Variants in COL10A1 observed in about 807,000 individuals in gnomAD.
COL10A1 encodes the protein collagen alpha-1(X) chain.
In COL10A1, 10 loss-of-function variants were observed where a neutral mutation model predicts 18.2. The observed-to-expected ratio is 0.55, with a 90% CI of 0.34 to 0.93. COL10A1 has a LOEUF of 0.93. Among genes scored for constraint, COL10A1 ranks in the 40% least tolerant of loss-of-function variants. The pLI, the probability that COL10A1 is intolerant of heterozygous loss-of-function variation, is 0.02. For synonymous variants in COL10A1, 330 were observed against 316.6 expected, an observed-to-expected ratio of 1.04 and a Z score of -0.45; for missense variants, 897 against 853.5, an observed-to-expected ratio of 1.05 and a Z score of -0.64.
At chr6:116,178,831 G>A in the COL10A1 span, among the ~76,000 whole-genome samples, 9 of 152,160 alleles carry the variant, frequency 5.9e-5, no homozygotes, top group Non-Finnish European at 1.3e-4. Flanking sequence ...CCAACTCCCA[G>A]TAAATTTGCA....
the COL10A1 span, among the ~76,000 whole-genome samples, chr6:116,202,523 CTTT>C: frequency 6.6e-6 from 1 of 151,886 alleles, no homozygotes; most frequent in Non-Finnish European, 1.5e-5. Context: ...AGGTTTATTT[CTTT>C]AATTCTAAAA....
At chr6:116,135,835 A>T (rs1367816146) in intron 1 of COL10A1, among the ~76,000 whole-genome samples, 1 of 13,098 alleles carries the variant, frequency 7.6e-5, no homozygotes, top group Non-Finnish European at 1.3e-4. Flanking sequence ...ATATTTTCAG[A>T]TATATATATA....
chr6:116,179,362 G>T, the COL10A1 span, among the ~76,000 whole-genome samples: 1 of 151,862 alleles, frequency 6.6e-6, no homozygotes, highest in African/African-American at 2.4e-5. Flanking sequence ...AGAGAATTGG[G>T]GTTTTAGCAT....
chr6:116,143,072 A>T (rs1230887383), intron 1 of COL10A1, among the ~76,000 whole-genome samples: 1 of 152,154 alleles, frequency 6.6e-6, no homozygotes, highest in Non-Finnish European at 1.5e-5. Context: ...TGGAGACCGG[A>T]TTTTGTTATT....
chr6:116,205,599 T>TGG, the COL10A1 span, among the ~76,000 whole-genome samples: 40 of 151,706 alleles, frequency 2.6e-4, no homozygotes, highest in African/African-American at 9.4e-4. Context: ...TGGAATAAAT[T>TGG]GGGGGGGAAA....
At chr6:116,122,924 CTG>C (rs1469940674) in intron 2 of COL10A1, among the ~76,000 whole-genome samples, 6 of 151,840 alleles carry the variant, frequency 4.0e-5, no homozygotes, top group Non-Finnish European at 7.4e-5. Context: ...AGGAAAAAGA[CTG>C]TGAGAAAAAT....
chr6:116,158,174 A>G (rs895420346), intron 1 of COL10A1, among the ~76,000 whole-genome samples: 3 of 152,138 alleles, frequency 2.0e-5, no homozygotes, highest in Non-Finnish European at 2.9e-5. Context: ...ATCTACATTG[A>G]CAATACTGGT....
upstream of COL10A1, among the ~76,000 whole-genome samples, chr6:116,131,014 T>C (rs1380085793): frequency 6.6e-6 from 1 of 152,206 alleles, no homozygotes; most frequent in East Asian, 1.9e-4. Context: ...ACTGTTAGGT[T>C]TGTTTCATTT....
intron 1 of COL10A1, among the ~76,000 whole-genome samples, chr6:116,133,366 T>C (rs1779514999): frequency 6.6e-6 from 1 of 152,212 alleles, no homozygotes; most frequent in Non-Finnish European, 1.5e-5. Context: ...AAGTGTTAAT[T>C]AGAGAAGTCA....
the COL10A1 span, among the ~76,000 whole-genome samples, chr6:116,210,572 A>G: frequency 6.6e-6 from 1 of 151,946 alleles, no homozygotes; most frequent in Admixed American, 6.6e-5. Context: ...CGGGAATCAT[A>G]TAGGACCTGT....
At chr6:116,169,183 GCTT>G in the COL10A1 span, among the ~76,000 whole-genome samples, 2 of 152,154 alleles carry the variant, frequency 1.3e-5, no homozygotes, top group Non-Finnish European at 2.9e-5. Flanking sequence ...CTTTTCCTCA[GCTT>G]CTCAACTTGA....
upstream of COL10A1, among the ~76,000 whole-genome samples, chr6:116,160,306 A>G (rs574599901): frequency 2.0e-5 from 3 of 152,224 alleles, no homozygotes; most frequent in Non-Finnish European, 4.4e-5. Flanking sequence ...CATAATAGCT[A>G]TTCTGACTGG....
chr6:116,172,962 A>G, the COL10A1 span, among the ~76,000 whole-genome samples: 1 of 152,148 alleles, frequency 6.6e-6, no homozygotes, highest in Non-Finnish European at 1.5e-5. Flanking sequence ...ATAAAATTAT[A>G]TTTATATCTT....
the COL10A1 span, among the ~76,000 whole-genome samples, chr6:116,164,413 C>CT: frequency 1.3e-5 from 2 of 152,032 alleles, no homozygotes; most frequent in African/African-American, 2.4e-5. Context: ...AACCCCTGGT[C>CT]TTTTTTGTTC....
chr6:116,157,422 T>C (rs2093481676), intron 1 of COL10A1, among the ~76,000 whole-genome samples: 1 of 152,212 alleles, frequency 6.6e-6, no homozygotes, highest in South Asian at 2.1e-4. Context: ...AAAAGAGCTA[T>C]GGGGACAGGT....
At chr6:116,138,810 G>T (rs1459114762) in intron 1 of COL10A1, among the ~76,000 whole-genome samples, 1 of 152,046 alleles carries the variant, frequency 6.6e-6, no homozygotes, top group Non-Finnish European at 1.5e-5. Flanking sequence ...TATGGCAGGG[G>T]AATGCTCTTG....
At position 116,141,922 on chromosome 6, in the gene COL10A1, A is replaced by G. The variant is rs1001588173; in HGVS notation, c.-15-16415T>C. ...CACACACACACACACACACACACAC[A>G]CACACTGTAAATGTGAGATGTTCCT... is the stretch of plus-strand genomic sequence containing the variant. On this transcript the variant is annotated intron_variant, in intron 1 of 1. Transcript: ENST00000418500. Among the ~76,000 whole-genome samples, 176 of 145,660 alleles carry G rather than the reference A, an allele frequency of 1.2e-3. 1 individual carries two copies. The highest frequency in any genetic ancestry group is 4.2e-3 in the African/African-American group (169 of 40,002).
At position 116,119,123 on chromosome 6, in the gene COL10A1, A is replaced by G. The variant is rs1779028999; in HGVS notation, c.*950T>C. ...CAGCTTAAAAGTTTTAAACAGCAAT[A>G]TAAAAATACAGTACAGTGCATAAAT... On this transcript the variant is annotated 3_prime_UTR_variant, in exon 3 of 3. Coordinates refer to ENST00000651968, the MANE Select transcript of COL10A1 (RefSeq NM_000493.4). 1 of 152,660 alleles carries G rather than the reference A, an allele frequency of 6.6e-6. No homozygotes were observed. Among genetic ancestry groups the G allele is most frequent in the Non-Finnish European group, 1.5e-5 (1 of 68,038 alleles). 9.5% of individuals were successfully genotyped at this position (152,660 alleles called of 1,614,324 possible).
chr6:116,172,992 A>G, the COL10A1 span, among the ~76,000 whole-genome samples: 1 of 152,200 alleles, frequency 6.6e-6, no homozygotes, highest in African/African-American at 2.4e-5. Context: ...TAATTTTTTT[A>G]CATAAGAAAT....
Sources: allele counts gnomAD v4.1 joint callset (sites outside exome capture counted in the v4.1 genomes callset), GRCh38; gene constraint gnomAD v4.1.1; transcripts MANE v1.5; gene names NCBI Gene and HGNC (gene_info 2026-07-23, HGNC 2026-07-21).